HHAT: variants seen among roughly 807,000 people sequenced by gnomAD.
The protein encoded by HHAT is hedgehog acyltransferase.
Under a neutral mutation model 70.8 loss-of-function variants are expected in HHAT, and 47 were observed. The ratio of observed to expected loss-of-function variants is 0.66; its 90% CI spans 0.53 to 0.85. The LOEUF is 0.85. HHAT is among the 40% of genes least tolerant of loss of function. The pLI, the probability that HHAT is intolerant of heterozygous loss-of-function variation, is 0.00. For synonymous variants in HHAT, 228 were observed against 247.6 expected, an observed-to-expected ratio of 0.92 and a Z score of 0.74; for missense variants, 609 against 604.8, an observed-to-expected ratio of 1.01 and a Z score of -0.07.
chr1:210,349,032 C>T lies in HHAT; in HGVS notation c.57C>T (p.Phe19=), dbSNP rs767538110. ...TACTTGCCTCACTAGGCTTCCACTT[C>T]TATTCCTTCTATGAAGTTTACAAAG... The part of the protein sequence containing the change: ...LYLLASLGFH[F]YSFYEVYKVS... The change falls in exon 2 of 12, where the codon TTC becomes TTT. Residue 19 remains phenylalanine (F), a synonymous_variant. Transcript: ENST00000261458. 35 of 1,614,104 alleles carry T rather than the reference C, an allele frequency of 2.2e-5. No homozygotes were observed. The highest frequency in any genetic ancestry group is 3.0e-5 in the Non-Finnish European group (35 of 1,179,996).
At chr1:210,542,487 TAAA>T (rs760515327) in intron 9 of HHAT, among the ~76,000 whole-genome samples, 4 of 148,828 alleles carry the variant, frequency 2.7e-5, no homozygotes, top group East Asian at 2.0e-4. Context: ...GTGTTTTAGT[TAAA>T]AAAAAAATAT....
At chr1:210,567,669 T>TC (rs1655104819) in intron 9 of HHAT, among the ~76,000 whole-genome samples, 1 of 152,162 alleles carries the variant, frequency 6.6e-6, no homozygotes, top group Admixed American at 6.5e-5. Flanking sequence ...TCGTGTACAA[T>TC]CCTATGAGGT....
chr1:210,542,368 T>C (rs2095438650), intron 9 of HHAT, among the ~76,000 whole-genome samples: 1 of 152,186 alleles, frequency 6.6e-6, no homozygotes, highest in Admixed American at 6.5e-5. Flanking sequence ...TCAAAACACA[T>C]TTTGATTTCT....
chr1:210,639,555 G>A (rs57202509), intron 11 of HHAT, among the ~76,000 whole-genome samples: 34 of 152,352 alleles, frequency 2.2e-4, no homozygotes, highest in African/African-American at 7.9e-4. Flanking sequence ...TCACCTGAGA[G>A]AAGTCCTCAA....
chr1:210,416,597 G>A (rs923200405), intron 6 of HHAT, among the ~76,000 whole-genome samples: 2 of 152,196 alleles, frequency 1.3e-5, no homozygotes, highest in Non-Finnish European at 2.9e-5. Context: ...CAGGCAGTGA[G>A]GTGAGACCAC....
chr1:210,349,616 A>G (rs901132900), intron 2 of HHAT, among the ~76,000 whole-genome samples: 13 of 151,072 alleles, frequency 8.6e-5, no homozygotes, highest in African/African-American at 3.2e-4. Context: ...AGGCTGGGAA[A>G]TAGTCTTTAG....
chr1:210,476,254 T>C (rs2094305075), intron 8 of HHAT, among the ~76,000 whole-genome samples: 1 of 152,226 alleles, frequency 6.6e-6, no homozygotes, highest in Non-Finnish European at 1.5e-5. Context: ...AATCCACCTG[T>C]CTGTACAGAC....
chr1:210,549,940 A>G (rs2095514761), intron 9 of HHAT, among the ~76,000 whole-genome samples: 3 of 149,198 alleles, frequency 2.0e-5, no homozygotes, highest in Non-Finnish European at 2.9e-5. Flanking sequence ...GTTGTCATCT[A>G]TCCTGGGACA....
Position 210,401,206 on chromosome 1 carries a change from C to G in HHAT, c.468+544C>G, listed in dbSNP as rs2092054493. On this transcript the variant is annotated intron_variant, in intron 5 of 11. Coordinates refer to ENST00000261458, the MANE Select transcript of HHAT (RefSeq NM_018194.6). ...CTTGGTTCACTGCAACCTCCGCCTC[C>G]TGGGTTCAAGCGATTCTCGTGCCTC... Among the ~76,000 whole-genome samples the G allele has an allele frequency of 2.0e-5, 3 of 152,144 alleles. No homozygotes were observed. In the South Asian group the frequency reaches 6.2e-4, roughly 31 times the overall value.
At chr1:210,590,951 T>A (rs12145420) in intron 10 of HHAT, among the ~76,000 whole-genome samples, 1 of 152,082 alleles carries the variant, frequency 6.6e-6, no homozygotes, top group Non-Finnish European at 1.5e-5. Context: ...TACATAGTAG[T>A]TGTTTGTATT....
intron 8 of HHAT, among the ~76,000 whole-genome samples, chr1:210,470,992 G>A (rs1420912487): frequency 6.6e-6 from 1 of 152,130 alleles, no homozygotes; most frequent in Non-Finnish European, 1.5e-5. Flanking sequence ...CCCTTTGAAG[G>A]CAGTGATCAT....
intron 9 of HHAT, among the ~76,000 whole-genome samples, chr1:210,542,960 G>T (rs1395692565): frequency 1.3e-5 from 2 of 152,174 alleles, no homozygotes; most frequent in South Asian, 2.1e-4. Context: ...AGAGCTGTTT[G>T]CCAACAGAGG....
rs1424883126 is a variant in HHAT at position 210,618,296 on chromosome 1, G to T, written c.1246-5230G>T. ...TATAATTGTGTCTCTTGTTGTCCCTGGCCTCATCTTTACAGTCTGTGGGGT... is the reference window on the plus strand; with the variant it reads ...TATAATTGTGTCTCTTGTTGTCCCTTGCCTCATCTTTACAGTCTGTGGGGT... On this transcript the variant is annotated intron_variant, in intron 10 of 11. Coordinates refer to ENST00000261458, the MANE Select transcript of HHAT (RefSeq NM_018194.6). 2.0e-5 allele frequency among the ~76,000 whole-genome samples: 3 copies of T among 152,054 alleles called. No individual in the cohort carries two copies. The East Asian group carries it at 5.8e-4, about 29-fold the overall frequency.
intron 8 of HHAT, among the ~76,000 whole-genome samples, chr1:210,468,665 T>G (rs2094148615): frequency 6.6e-6 from 1 of 152,176 alleles, no homozygotes; most frequent in Non-Finnish European, 1.5e-5. Context: ...TGTTAGATGA[T>G]AAATCAGTTC....
chr1:210,542,039 C>G (rs1167843043), intron 9 of HHAT, among the ~76,000 whole-genome samples: 1 of 152,226 alleles, frequency 6.6e-6, no homozygotes, highest in Non-Finnish European at 1.5e-5. Context: ...CTCCTTCCTT[C>G]TGCTTTCTCT....
Position 210,355,296 on chromosome 1 carries a change from C to A in HHAT, c.91+6230C>A, listed in dbSNP as rs1007407002. Among the ~76,000 whole-genome samples the A allele has an allele frequency of 6.6e-5, 10 of 152,162 alleles. No homozygotes were observed. In the East Asian group the frequency reaches 1.9e-3, roughly 29 times the overall value. ...ATTTGTTTTTGCTTTGCTAGGACAT[C>A]TAGAACAATACAATAGTTGAATGTT... On this transcript the variant is annotated intron_variant, in intron 2 of 11. Transcript: ENST00000261458.
chr1:210,338,824 C>G (rs2085744297), intron 1 of HHAT, among the ~76,000 whole-genome samples: 1 of 152,170 alleles, frequency 6.6e-6, no homozygotes. Flanking sequence ...AAGAAATCCA[C>G]CCCTGTATTT....
intron 9 of HHAT, among the ~76,000 whole-genome samples, chr1:210,576,820 T>C (rs1485895912): frequency 6.6e-6 from 1 of 152,238 alleles, no homozygotes; most frequent in Non-Finnish European, 1.5e-5. Context: ...ACAGCATATC[T>C]TTCCATTTTT....
At chr1:210,382,821 G>A (rs1442224176) in intron 3 of HHAT, among the ~76,000 whole-genome samples, 1 of 152,108 alleles carries the variant, frequency 6.6e-6, no homozygotes, top group Non-Finnish European at 1.5e-5. Context: ...GTCAAATAGT[G>A]TTGTGGGGCA....
Sources: gnomAD v4.1 joint callset for allele counts (sites outside exome capture counted in the v4.1 genomes callset) on GRCh38, gnomAD v4.1.1 for gene constraint, MANE v1.5 for transcripts, NCBI Gene and HGNC (gene_info 2026-07-23, HGNC 2026-07-21) for gene names.